The following SKI variants were observed in gnomAD, a reference collection of about 807,000 sequenced individuals.
SKI encodes the protein ski oncogene.
SKI carries 23 observed loss-of-function variants against 59.3 expected under a neutral mutation model. The ratio of observed to expected loss-of-function variants is 0.39; its 90% CI spans 0.28 to 0.55. The LOEUF (loss-of-function observed/expected upper bound fraction) is 0.55. Among genes scored for constraint, SKI ranks in the 20% least tolerant of loss-of-function variants. The pLI, the probability that SKI is intolerant of heterozygous loss-of-function variation, is 0.67. For missense variants in SKI, 1,017 were observed against 1,038.9 expected (o/e 0.98, Z 0.29); for synonymous variants, 673 against 488.6 (o/e 1.38, Z -4.98).
At chr1:2,299,971 G>T (rs75613834) in intron 1 of SKI, among the ~76,000 whole-genome samples, 4,299 of 152,234 alleles carry the variant, frequency 0.028, 193 homozygotes, top group African/African-American at 0.099. Flanking sequence ...TGGCTCACCT[G>T]TTTGGGCCAC....
At chr1:2,231,242 T>C (rs1358886057) in intron 1 of SKI, among the ~76,000 whole-genome samples, 1 of 152,138 alleles carries the variant, frequency 6.6e-6, no homozygotes, top group Non-Finnish European at 1.5e-5. Flanking sequence ...GATTGTGGGC[T>C]CGTGCAGGCT....
At chr1:2,257,827 C>T (rs1330851208) in intron 1 of SKI, among the ~76,000 whole-genome samples, 1 of 152,172 alleles carries the variant, frequency 6.6e-6, no homozygotes. Flanking sequence ...CAGCCTCCGC[C>T]TCCTGAGTTC....
chr1:2,259,060 C>T (rs150301133), intron 1 of SKI, among the ~76,000 whole-genome samples: 1 of 152,228 alleles, frequency 6.6e-6, no homozygotes, highest in East Asian at 1.9e-4. Flanking sequence ...CCCCAGAATT[C>T]TGGGTTCCCA....
intron 1 of SKI, among the ~76,000 whole-genome samples, chr1:2,234,319 A>ATCCG (rs1179490859): frequency 6.6e-6 from 1 of 152,008 alleles, no homozygotes; most frequent in Non-Finnish European, 1.5e-5. Context: ...ATGGTCTGTC[A>ATCCG]TCCGTCTGTC....
chr1:2,293,044 G>T (rs1462543680), intron 1 of SKI, among the ~76,000 whole-genome samples: 1 of 152,196 alleles, frequency 6.6e-6, no homozygotes, highest in Non-Finnish European at 1.5e-5. Flanking sequence ...TGGGCAGGGT[G>T]CACGGGAGAG....
At chr1:2,294,470 A>G (rs1640239150) in intron 1 of SKI, among the ~76,000 whole-genome samples, 1 of 152,156 alleles carries the variant, frequency 6.6e-6, no homozygotes, top group African/African-American at 2.4e-5. Flanking sequence ...GGCAGGCCCC[A>G]GAGACCACCT....
chr1:2,288,508 G>T (rs904499030), intron 1 of SKI, among the ~76,000 whole-genome samples: 1 of 152,250 alleles, frequency 6.6e-6, no homozygotes, highest in Non-Finnish European at 1.5e-5. Flanking sequence ...GGTTGTCGTC[G>T]TTTCCTGTGG....
intron 1 of SKI, among the ~76,000 whole-genome samples, chr1:2,257,590 A>G (rs1262376070): frequency 6.6e-6 from 1 of 152,188 alleles, no homozygotes; most frequent in Non-Finnish European, 1.5e-5. Flanking sequence ...GCTCTCGGCG[A>G]TTTTTGAGAG....
At chr1:2,302,500 TC>T (rs1640449453) in intron 1 of SKI, among the ~76,000 whole-genome samples, 1 of 152,114 alleles carries the variant, frequency 6.6e-6, no homozygotes, top group African/African-American at 2.4e-5. Flanking sequence ...CCCAGACGCA[TC>T]CGTCGTGAGT....
intron 1 of SKI, among the ~76,000 whole-genome samples, chr1:2,284,257 A>G (rs1196463958): frequency 3.9e-5 from 6 of 152,044 alleles, no homozygotes; most frequent in South Asian, 2.1e-4. Context: ...CTGCCTCTAG[A>G]TCCCTGATCC....
At chr1:2,263,234 ATTTTTT>A (rs35975887) in intron 1 of SKI, among the ~76,000 whole-genome samples, 1 of 118,470 alleles carries the variant, frequency 8.4e-6, no homozygotes, top group African/African-American at 3.3e-5. Context: ...TTTGCTTAGA[ATTTTTT>A]TTTTTTTTTT....
chr1:2,264,476 G>A (rs1639456773), intron 1 of SKI, among the ~76,000 whole-genome samples: 1 of 152,028 alleles, frequency 6.6e-6, no homozygotes. Flanking sequence ...CTCCATGTTG[G>A]ACAGGATGGT....
At chr1:2,237,799 C>T (rs1354200504) in intron 1 of SKI, among the ~76,000 whole-genome samples, 3 of 152,214 alleles carry the variant, frequency 2.0e-5, no homozygotes, top group Non-Finnish European at 4.4e-5. Flanking sequence ...GCGTGGAGGC[C>T]AGTCTGGCCG....
intron 1 of SKI, among the ~76,000 whole-genome samples, chr1:2,299,476 G>A (rs1023096376): frequency 1.3e-5 from 2 of 152,210 alleles, no homozygotes; most frequent in African/African-American, 4.8e-5. Context: ...TGTAACCGCT[G>A]CTGCACTCGG....
intron 1 of SKI, among the ~76,000 whole-genome samples, chr1:2,230,367 A>C (rs915629145): frequency 6.6e-6 from 1 of 152,058 alleles, no homozygotes; most frequent in Admixed American, 6.5e-5. Context: ...CGGCTCCAGC[A>C]CTGTGCTGGT....
rs746448126 is a variant in SKI at position 2,267,809 on chromosome 1, C to T, written c.970-35169C>T. ...GGACACGGGTCCACGGTCACACGGT[C>T]TCCAAATGAGCAGGAACACCTTGCA... On this transcript the variant is annotated intron_variant, in intron 1 of 6. Transcript: ENST00000378536. The surrounding 1 kb of genome is among the most constrained non-coding windows in gnomAD (Gnocchi z 4.1). 2.0e-5 allele frequency among the ~76,000 whole-genome samples: 3 copies of T among 152,228 alleles called. No individual in the cohort carries two copies. The highest frequency in any genetic ancestry group is 4.8e-5 in the African/African-American group (2 of 41,458).
At chr1:2,284,593 AT>A (rs1639991728) in intron 1 of SKI, among the ~76,000 whole-genome samples, 1 of 152,140 alleles carries the variant, frequency 6.6e-6, no homozygotes, top group Non-Finnish European at 1.5e-5. Flanking sequence ...GGGTGGTAGA[AT>A]TCAAGCTCAC....
At chr1:2,287,111 G>A (rs1025975886) in intron 1 of SKI, among the ~76,000 whole-genome samples, 5 of 152,088 alleles carry the variant, frequency 3.3e-5, no homozygotes, top group African/African-American at 1.2e-4. Context: ...AGCTCTGGGC[G>A]AAAATCTAGA....
At chr1:2,255,931 C>T (rs1453181502) in intron 1 of SKI, among the ~76,000 whole-genome samples, 2 of 151,068 alleles carry the variant, frequency 1.3e-5, no homozygotes, top group African/African-American at 2.4e-5. Context: ...ACCTCATTTC[C>T]TGTCTGTGTC....
Sources: gnomAD v4.1 joint callset for allele counts (sites outside exome capture counted in the v4.1 genomes callset) on GRCh38, gnomAD v4.1.1 for gene constraint, Gnocchi (gnomAD v3.1) non-coding constraint, MANE v1.5 for transcripts, NCBI Gene and HGNC (gene_info 2026-07-23, HGNC 2026-07-21) for gene names.